PTPRT: variants seen among roughly 807,000 people sequenced by gnomAD.
The protein encoded by PTPRT is receptor-type tyrosine-protein phosphatase T.
PTPRT carries 56 observed loss-of-function variants against 176.8 expected under a neutral mutation model. The ratio of observed to expected loss-of-function variants is 0.32; its 90% confidence interval spans 0.26 to 0.40. PTPRT has a LOEUF of 0.40. PTPRT is among the 10% of genes least tolerant of loss of function. The pLI is 1.00. For missense variants in PTPRT, 1,540 were observed against 1,908.2 expected (o/e 0.81, Z 3.60); for synonymous variants, 783 against 739.0 (o/e 1.06, Z -0.96).
chr20:42,085,532 G>T (rs536780779), intron 28 of PTPRT, among the ~76,000 whole-genome samples, 196 bp downstream of exon 28: 71 of 152,276 alleles, frequency 4.7e-4, no homozygotes, highest in Non-Finnish European at 9.7e-4. Flanking sequence ...GTTGGATGTC[G>T]CTCGTTGCAT....
intron 11 of PTPRT, among the ~76,000 whole-genome samples, chr20:42,317,034 C>G (rs1170534245): frequency 6.6e-6 from 1 of 152,180 alleles, no homozygotes; most frequent in East Asian, 1.9e-4. Context: ...CCACCCCCAC[C>G]CCATACTGCC....
intron 7 of PTPRT, among the ~76,000 whole-genome samples, chr20:42,662,964 ATATGTG>A (rs983671423): frequency 3.0e-4 from 35 of 115,980 alleles, no homozygotes; most frequent in African/African-American, 1.1e-3. Context: ...ATACCTGAAT[ATATGTG>A]TGTGTGTGTG....
chr20:42,591,210 T>C (rs374620911), intron 7 of PTPRT, among the ~76,000 whole-genome samples: 1 of 151,900 alleles, frequency 6.6e-6, no homozygotes, highest in African/African-American at 2.4e-5. Flanking sequence ...AGGGAAAGAT[T>C]GATAAATTTG....
chr20:42,119,412 A>G (rs777812311), intron 20 of PTPRT, among the ~76,000 whole-genome samples: 7 of 152,160 alleles, frequency 4.6e-5, no homozygotes, highest in Non-Finnish European at 1.0e-4. Flanking sequence ...ATGTTCTTAT[A>G]TGCGTCATTG....
At chr20:42,541,710 CAA>C (rs1028162250) in intron 7 of PTPRT, among the ~76,000 whole-genome samples, 6 of 151,448 alleles carry the variant, frequency 4.0e-5, no homozygotes, top group Non-Finnish European at 7.4e-5. Context: ...ATAAAAATAA[CAA>C]GAGAGGCTAC....
the PTPRT span, among the ~76,000 whole-genome samples, chr20:42,066,938 G>A: frequency 2.0e-5 from 3 of 152,132 alleles, no homozygotes; most frequent in African/African-American, 7.2e-5. Context: ...CTGCATCTGT[G>A]GAGATTCATT....
intron 25 of PTPRT, among the ~76,000 whole-genome samples, chr20:42,103,411 C>T (rs1435843577): frequency 6.6e-6 from 1 of 152,234 alleles, no homozygotes; most frequent in East Asian, 1.9e-4. Context: ...AACAAGTTCC[C>T]AGGTGAAGCC....
the PTPRT span, among the ~76,000 whole-genome samples, chr20:42,059,102 C>A: frequency 6.6e-6 from 1 of 152,180 alleles, no homozygotes; most frequent in South Asian, 2.1e-4. Context: ...AGCTGCTGAT[C>A]TCATCCAATA....
intron 18 of PTPRT, 42 bp from the exon 19 acceptor site, chr20:42,128,872 C>G (rs532234927): frequency 7.3e-6 from 11 of 1,505,876 alleles, no homozygotes; most frequent in Non-Finnish European, 1.0e-5. Context: ...TGATAAGAGG[C>G]CTTACGCAGC....
intron 17 of PTPRT, among the ~76,000 whole-genome samples, chr20:42,149,543 C>A (rs113090882): frequency 0.13 from 20,227 of 151,828 alleles, 3,468 homozygotes; most frequent in African/African-American, 0.4. Context: ...CCCGCCTCAG[C>A]CTCCTGAGTA....
chr20:42,466,899 G>A (rs1464716928), intron 8 of PTPRT, among the ~76,000 whole-genome samples: 1 of 152,130 alleles, frequency 6.6e-6, no homozygotes, highest in East Asian at 1.9e-4. Flanking sequence ...TTTTTGTTGT[G>A]CCAGAAGCAA....
intron 2 of PTPRT, among the ~76,000 whole-genome samples, chr20:42,857,579 CTG>C (rs1365107469): frequency 6.6e-6 from 1 of 152,184 alleles, no homozygotes; most frequent in East Asian, 1.9e-4. Flanking sequence ...CAGCTCATAA[CTG>C]TTTTTCCCTG....
intron 16 of PTPRT, among the ~76,000 whole-genome samples, chr20:42,173,128 G>A (rs982292561): frequency 6.6e-6 from 1 of 152,096 alleles, no homozygotes; most frequent in African/African-American, 2.4e-5. Flanking sequence ...AGTGACTAGC[G>A]GTTATTATTT....
intron 2 of PTPRT, among the ~76,000 whole-genome samples, chr20:42,809,171 C>T (rs143615757): frequency 6.6e-6 from 1 of 152,312 alleles, no homozygotes; most frequent in East Asian, 1.9e-4. Context: ...ATGTTGGTGC[C>T]ATCATCACGT....
intron 1 of PTPRT, among the ~76,000 whole-genome samples, chr20:43,180,418 AG>A (rs1214023871): frequency 6.7e-6 from 1 of 148,612 alleles, no homozygotes; most frequent in Non-Finnish European, 1.5e-5. Flanking sequence ...ATATATATAT[AG>A]AAAGAGAGGG....
In PTPRT at chr20:43,140,572, T is replaced by C. The variant is rs1479737458; in HGVS notation, c.88+49074A>G. Among the ~76,000 whole-genome samples, 3 of 151,876 alleles carry C rather than the reference T, an allele frequency of 2.0e-5. No individual in the cohort carries two copies. In the East Asian group the frequency reaches 5.8e-4, roughly 29 times the overall value. On this transcript the variant is annotated intron_variant, in intron 1 of 30. Coordinates refer to ENST00000373187, the MANE Select transcript of PTPRT (RefSeq NM_007050.6). ...AGTGGTTTTGGGTTTTTTTAATTAA[T>C]ACAATGGGCTGAGATCTTCTAGTTG...
chr20:42,816,343 A>G (rs208220), intron 2 of PTPRT, among the ~76,000 whole-genome samples: 103,318 of 152,098 alleles, frequency 0.68, 35,159 homozygotes, highest in East Asian at 0.78. Flanking sequence ...AAGGAAATAT[A>G]ATCCTAGCAC....
At chr20:42,126,660 C>A (rs1453024285) in intron 19 of PTPRT, among the ~76,000 whole-genome samples, 1 of 152,184 alleles carries the variant, frequency 6.6e-6, no homozygotes, top group African/African-American at 2.4e-5. Flanking sequence ...GTCCCACAGC[C>A]CCTGCTCTGT....
chr20:42,714,666 C>T (rs574350123), intron 6 of PTPRT, among the ~76,000 whole-genome samples: 86 of 152,212 alleles, frequency 5.7e-4, no homozygotes, highest in African/African-American at 2.0e-3. Context: ...TCATTGATAG[C>T]GAAGAAATAC....
Sources: allele counts gnomAD v4.1 joint callset (sites outside exome capture counted in the v4.1 genomes callset), GRCh38; gene constraint gnomAD v4.1.1; transcripts MANE v1.5; gene names NCBI Gene and HGNC (gene_info 2026-07-23, HGNC 2026-07-21).